LMX1A: variants seen among roughly 807,000 people sequenced by gnomAD.
The protein encoded by LMX1A is LIM homeobox transcription factor 1 alpha, also known as LIM homeobox transcription factor 1-alpha.
LMX1A carries 15 observed loss-of-function variants against 49.1 expected under a neutral mutation model. The ratio of observed to expected loss-of-function variants is 0.31; its 90% confidence interval spans 0.20 to 0.47. LMX1A has a LOEUF of 0.47. Among genes scored for constraint, LMX1A ranks in the 20% least tolerant of loss-of-function variants. The pLI is 1.00. For synonymous variants in LMX1A, 167 were observed against 185.7 expected (o/e 0.90, Z 0.82); for missense variants, 372 against 475.8 (o/e 0.78, Z 2.03).
intron 3 of LMX1A, among the ~76,000 whole-genome samples, chr1:165,275,102 G>T (rs536726856): frequency 1.3e-5 from 2 of 152,110 alleles, no homozygotes; most frequent in African/African-American, 2.4e-5. Flanking sequence ...AGTTAATGAT[G>T]AAAGGAACCC....
intron 3 of LMX1A, among the ~76,000 whole-genome samples, chr1:165,338,372 T>A (rs1655966293): frequency 6.6e-6 from 1 of 152,164 alleles, no homozygotes; most frequent in Non-Finnish European, 1.5e-5. Context: ...TTTAAGGGAG[T>A]TCATTGGGAA....
intron 3 of LMX1A, among the ~76,000 whole-genome samples, chr1:165,308,379 AC>A (rs1457550470): frequency 6.6e-6 from 1 of 152,196 alleles, no homozygotes; most frequent in East Asian, 1.9e-4. Context: ...CAAGAAACAG[AC>A]AGAATCATTC....
chr1:165,303,721 C>T (rs1242278835), intron 3 of LMX1A, among the ~76,000 whole-genome samples: 1 of 152,114 alleles, frequency 6.6e-6, no homozygotes, highest in East Asian at 1.9e-4. Flanking sequence ...ATGTAAAGGG[C>T]CAAGGTAAGA....
intron 4 of LMX1A, among the ~76,000 whole-genome samples, chr1:165,246,317 T>C (rs964074403): frequency 6.6e-6 from 1 of 152,176 alleles, no homozygotes; most frequent in African/African-American, 2.4e-5. Context: ...ACAGGCAGCA[T>C]TGATATAATT....
chr1:165,220,553 G>C (rs1433127986), intron 4 of LMX1A, among the ~76,000 whole-genome samples: 1 of 152,166 alleles, frequency 6.6e-6, no homozygotes, highest in African/African-American at 2.4e-5. Context: ...GCAGAAACCT[G>C]TCCCAAAAGA....
intron 5 of LMX1A, among the ~76,000 whole-genome samples, chr1:165,211,981 G>T (rs936109673): frequency 1.3e-5 from 2 of 152,204 alleles, no homozygotes; most frequent in Non-Finnish European, 2.9e-5. Context: ...ACATGGGCTG[G>T]GAGTTTAGTA....
chr1:165,254,798 G>C (rs1391723103), intron 3 of LMX1A, among the ~76,000 whole-genome samples: 1 of 152,178 alleles, frequency 6.6e-6, no homozygotes. Flanking sequence ...CAGCCTGGCT[G>C]TGCCCTGGCA....
At chr1:165,215,715 C>T (rs1183495982) in intron 4 of LMX1A, among the ~76,000 whole-genome samples, 1 of 152,190 alleles carries the variant, frequency 6.6e-6, no homozygotes, top group East Asian at 1.9e-4. Context: ...ATGAAGGGAA[C>T]ACTAAATTGT....
At chr1:165,246,284 C>T (rs540142258) in intron 4 of LMX1A, among the ~76,000 whole-genome samples, 38 of 152,236 alleles carry the variant, frequency 2.5e-4, no homozygotes, top group African/African-American at 9.1e-4. Flanking sequence ...AGCTTTGGCA[C>T]ACAGAAAATT....
chr1:165,328,495 C>T (rs1655649810), intron 3 of LMX1A, among the ~76,000 whole-genome samples: 3 of 152,162 alleles, frequency 2.0e-5, no homozygotes, highest in Non-Finnish European at 4.4e-5. Context: ...GGCCAGAAAC[C>T]CAACAAAGAC....
intron 3 of LMX1A, among the ~76,000 whole-genome samples, chr1:165,265,183 G>A (rs1440925765): frequency 4.9e-5 from 7 of 143,402 alleles, no homozygotes; most frequent in African/African-American, 1.6e-4. Flanking sequence ...CAGCCTGGGC[G>A]ACAGTGAGCG....
At chr1:165,211,201 A>C (rs1310592855) in intron 5 of LMX1A, 1 of 152,980 alleles carries the variant, frequency 6.5e-6, no homozygotes, top group Non-Finnish European at 1.5e-5. Context: ...AAATTCATTG[A>C]CCTTAATTTT....
chr1:165,352,110 A>AT (rs1291570930), intron 3 of LMX1A, among the ~76,000 whole-genome samples: 1 of 152,156 alleles, frequency 6.6e-6, no homozygotes, highest in East Asian at 1.9e-4. Context: ...TTAATTAAAC[A>AT]TTTCGCAAGG....
intron 3 of LMX1A, among the ~76,000 whole-genome samples, chr1:165,331,070 G>T (rs532783810): frequency 3.9e-5 from 6 of 152,184 alleles, no homozygotes; most frequent in Non-Finnish European, 7.4e-5. Context: ...AACAATTCAG[G>T]TTATTGATAA....
chr1:165,258,775 G>A (rs1653333242), intron 3 of LMX1A, among the ~76,000 whole-genome samples: 1 of 152,200 alleles, frequency 6.6e-6, no homozygotes, highest in Non-Finnish European at 1.5e-5. Flanking sequence ...TGCTTTTCTT[G>A]TTCTCGCAAG....
At chr1:165,330,010 C>G (rs911551936) in intron 3 of LMX1A, among the ~76,000 whole-genome samples, 1 of 152,190 alleles carries the variant, frequency 6.6e-6, no homozygotes, top group Non-Finnish European at 1.5e-5. Context: ...CTGTTAACAA[C>G]AACTGACATG....
intron 4 of LMX1A, among the ~76,000 whole-genome samples, chr1:165,229,579 G>A (rs145712875): frequency 2.0e-5 from 3 of 152,334 alleles, no homozygotes; most frequent in African/African-American, 7.2e-5. Context: ...GCTATGAAAT[G>A]AGGGAGTTGT....
intron 3 of LMX1A, among the ~76,000 whole-genome samples, chr1:165,341,058 C>T (rs1352772668): frequency 6.6e-6 from 1 of 152,168 alleles, no homozygotes; most frequent in Non-Finnish European, 1.5e-5. Flanking sequence ...CCCAGTTTGC[C>T]ACCAGAATTA....
chr1:165,218,640 T>G (rs1329749734), intron 4 of LMX1A: 1 of 152,262 alleles, frequency 6.6e-6, no homozygotes, highest in Non-Finnish European at 1.5e-5. Context: ...CATGAAAATA[T>G]GCAGTGCCTA....
Sources: allele counts gnomAD v4.1 joint callset (sites outside exome capture counted in the v4.1 genomes callset), GRCh38; gene constraint gnomAD v4.1.1; transcripts MANE v1.5; gene names NCBI Gene and HGNC (gene_info 2026-07-23, HGNC 2026-07-21).